IFFO2: variants seen among roughly 807,000 people sequenced by gnomAD.
IFFO2 encodes the protein intermediate filament family orphan 2.
A neutral mutation model predicts 53.5 loss-of-function variants in IFFO2; 19 were observed. The observed-to-expected ratio is 0.36, with a 90% confidence interval of 0.25 to 0.52. IFFO2 has a LOEUF of 0.52. IFFO2 is among the 20% of genes least tolerant of loss of function. The pLI is 0.94. For synonymous variants in IFFO2, 303 were observed against 313.6 expected (o/e 0.97, Z 0.36); for missense variants, 570 against 727.4 (o/e 0.78, Z 2.49).
chr1:18,919,797 C>G lies in IFFO2; in HGVS notation c.727-24G>C, dbSNP rs1257884611. On this transcript the variant is annotated intron_variant, in intron 2 of 8. Transcript: ENST00000455833. The surrounding 1 kb of genome is among the most constrained non-coding windows in gnomAD (Gnocchi z 4.9). The stretch of plus-strand genomic sequence containing the variant: ...GCCTGCGGGGACGGAGATGGGGAGG[C>G]TTCAGAGGGGCCGGGTCCTCTGGGG... 1 of 1,512,656 alleles carries G rather than the reference C, an allele frequency of 6.6e-7. No homozygotes were observed. The highest frequency in any genetic ancestry group is 2.5e-5 in the East Asian group (1 of 40,740). 93.7% of individuals were successfully genotyped at this position (1,512,656 alleles called of 1,614,324 possible). A position where few individuals can be genotyped will look rare whatever the true frequency, so the allele number is the denominator to read the frequency against.
rs1287292813 is a variant in IFFO2 at position 18,918,250 on chromosome 1, G to A, written c.963+112C>T. ...CAGGTAGTGCTACCTCTCGGGGAAG[G>A]GGAGGGAGTGAGTGGGATGTGGAGG... On this transcript the variant is annotated intron_variant, in intron 4 of 8. Coordinates refer to ENST00000455833, the MANE Select transcript of IFFO2 (RefSeq NM_001136265.2). This position sits in a 1 kb window ranked among gnomAD's most constrained non-coding sequence, Gnocchi z 5.2. The A allele has an allele frequency of 9.9e-7, 1 of 1,010,266 alleles. No individual in the cohort carries two copies. The highest frequency in any genetic ancestry group is 1.5e-6 in the Non-Finnish European group (1 of 680,136). The allele number at this position is 1,010,266 out of a possible 1,614,324, so 62.6% of individuals were successfully genotyped here.
At chr1:18,939,609 A>T (rs1936495487) in intron 1 of IFFO2, among the ~76,000 whole-genome samples, 1 of 152,212 alleles carries the variant, frequency 6.6e-6, no homozygotes, top group Admixed American at 6.5e-5. Context: ...TTCTGCATGA[A>T]GATTGTGTCT....
chr1:18,915,571 T>G (rs2100646882), intron 5 of IFFO2, among the ~76,000 whole-genome samples: 1 of 152,238 alleles, frequency 6.6e-6, no homozygotes, highest in Non-Finnish European at 1.5e-5. Flanking sequence ...GGAGGCAGCC[T>G]GGCTCTGAAT....
At position 18,909,470 on chromosome 1, in the gene IFFO2, T is replaced by C. The variant is rs74620760; in HGVS notation, c.1449-804A>G. 9.5e-3 allele frequency among the ~76,000 whole-genome samples: 1,453 copies of C among 152,154 alleles called. 27 individuals carry two copies. The highest frequency in any genetic ancestry group is 0.064 in the East Asian group (329 of 5,164). ...TGGTTTGGCTGTGTTCCCACCCAAA[T>C]TGCATCTGGAATTGTAGCTCCCATA... On this transcript the variant is annotated intron_variant, in intron 8 of 8. Transcript: ENST00000455833.
intron 1 of IFFO2, among the ~76,000 whole-genome samples, chr1:18,939,301 C>T (rs1002362086): frequency 2.0e-5 from 3 of 152,212 alleles, no homozygotes; most frequent in Non-Finnish European, 2.9e-5. Context: ...GGACATCTGT[C>T]TGCGGCAGGG....
intron 1 of IFFO2, among the ~76,000 whole-genome samples, chr1:18,924,259 T>C (rs1475864063): frequency 6.6e-6 from 1 of 152,198 alleles, no homozygotes; most frequent in Non-Finnish European, 1.5e-5. Flanking sequence ...CAGACACCTG[T>C]ATTCCCTGCC....
At position 18,953,433 on chromosome 1, in the gene IFFO2, A is replaced by C. The variant is rs1335140961; in HGVS notation, c.665+2235T>G. On this transcript the variant is annotated intron_variant, in intron 1 of 8. Transcript: ENST00000455833. ...CCAGTGAGTTAATATTAAGAACTTA[A>C]AGGTGGGTGAGCACATTTTTATCAC... 2.0e-5 allele frequency among the ~76,000 whole-genome samples: 3 copies of C among 152,180 alleles called. No individual in the cohort carries two copies. In the East Asian group the frequency reaches 5.8e-4, roughly 29 times the overall value.
intron 1 of IFFO2, among the ~76,000 whole-genome samples, chr1:18,940,229 A>G (rs1455170772): frequency 2.0e-5 from 3 of 152,186 alleles, no homozygotes; most frequent in Non-Finnish European, 2.9e-5. Flanking sequence ...AGAGCTAGGT[A>G]AGGGAGCTGC....
In IFFO2 at chr1:18,918,533, C is replaced by G. The variant is rs746805524; in HGVS notation, c.823-31G>C. The G allele has an allele frequency of 2.6e-6, 4 of 1,549,764 alleles. No homozygotes were observed. Among genetic ancestry groups the G allele is most frequent in the Non-Finnish European group, 3.5e-6 (4 of 1,145,638 alleles). ...GGGAGGACAGCAGGGTTTACATGAG[C>G]GAGGGATGGAGCAAGCCTGGGGGGC... On this transcript the variant is annotated intron_variant, in intron 3 of 8. Coordinates refer to ENST00000455833, the MANE Select transcript of IFFO2 (RefSeq NM_001136265.2). This position sits in a 1 kb window ranked among gnomAD's most constrained non-coding sequence, Gnocchi z 5.2.
intron 1 of IFFO2, among the ~76,000 whole-genome samples, chr1:18,937,915 C>T (rs1936470369): frequency 6.6e-6 from 1 of 152,258 alleles, no homozygotes; most frequent in African/African-American, 2.4e-5. Flanking sequence ...CCGGCACCAG[C>T]ACAGCCTCTC....
chr1:18,955,899 G>A lies in IFFO2; in HGVS notation c.434C>T (p.Pro145Leu). 2.2e-6 allele frequency: 3 copies of A among 1,345,372 alleles called. No individual in the cohort carries two copies. The highest frequency in any genetic ancestry group is 3.1e-5 in the East Asian group (1 of 32,134). 83.3% of individuals were successfully genotyped at this position (1,345,372 alleles called of 1,614,324 possible). The change falls in exon 1 of 9, where the codon CCC (proline) becomes CTC (leucine). Residue 145 changes from proline (P) to leucine (L), a missense_variant. Physicochemically the swap from Pro to Leu is moderately conservative, Grantham distance 98. Coordinates refer to ENST00000455833, the MANE Select transcript of IFFO2 (RefSeq NM_001136265.2). ...GTGCTGCGGGTGCGAGCCGCCGCCGGGGGGCAGGCCGCCCAGGGCCACGGC... is the reference window on the plus strand; with the variant it reads ...GTGCTGCGGGTGCGAGCCGCCGCCGAGGGGCAGGCCGCCCAGGGCCACGGC... The part of the protein sequence containing the change: ...ANAVALGGLP[P>L]GGGSHPQHYG...
chr1:18,931,811 G>A (rs778745660), intron 1 of IFFO2, among the ~76,000 whole-genome samples: 34 of 152,202 alleles, frequency 2.2e-4, no homozygotes, highest in Admixed American at 9.2e-4. Context: ...ATGGTGTCTC[G>A]TCGGCTCCAT....
At chr1:18,943,475 T>C (rs56308836) in intron 1 of IFFO2, among the ~76,000 whole-genome samples, 102 of 152,286 alleles carry the variant, frequency 6.7e-4, no homozygotes, top group Middle Eastern at 3.4e-3. Flanking sequence ...AACATGGTCT[T>C]TATGGGGAAT....
intron 1 of IFFO2, among the ~76,000 whole-genome samples, chr1:18,924,791 C>G (rs1936259135): frequency 6.6e-6 from 1 of 152,226 alleles, no homozygotes; most frequent in South Asian, 2.1e-4. Context: ...GGGGAGGGGT[C>G]CTTTCTGGTC....
intron 1 of IFFO2, among the ~76,000 whole-genome samples, chr1:18,940,837 T>C (rs1215644557): frequency 6.6e-6 from 1 of 152,138 alleles, no homozygotes; most frequent in Non-Finnish European, 1.5e-5. Context: ...ACGCAACACG[T>C]GCTCAAAGCA....
chr1:18,949,400 G>A (rs1249678610), intron 1 of IFFO2, among the ~76,000 whole-genome samples: 1 of 152,234 alleles, frequency 6.6e-6, no homozygotes, highest in Non-Finnish European at 1.5e-5. Flanking sequence ...GGGTGCTTAG[G>A]ACCGCCTGAC....
chr1:18,937,107 G>A lies in IFFO2; in HGVS notation c.666-15986C>T, dbSNP rs1936459465. ...GCGGCTGGCTCAGTGCAACTCCAGA[G>A]ACTAGGAGCTGCCTGCCATGCCGCT... On this transcript the variant is annotated intron_variant, in intron 1 of 8. Coordinates refer to ENST00000455833, the MANE Select transcript of IFFO2 (RefSeq NM_001136265.2). Among the ~76,000 whole-genome samples the A allele has an allele frequency of 1.3e-5, 2 of 152,202 alleles. 1 individual carries two copies. Among genetic ancestry groups the A allele is most frequent in the South Asian group, 4.1e-4 (2 of 4,826 alleles).
chr1:18,924,872 T>C (rs960411658), intron 1 of IFFO2, among the ~76,000 whole-genome samples: 6 of 152,178 alleles, frequency 3.9e-5, no homozygotes, highest in Non-Finnish European at 8.8e-5. Context: ...ATCCCAGTGC[T>C]CTCTGCAGGG....
rs1453481973 is a variant in IFFO2 at position 18,904,630 on chromosome 1, G to A, written c.*3931C>T. The A allele has an allele frequency of 6.6e-6, 1 of 152,142 alleles. No individual in the cohort carries two copies. Among genetic ancestry groups the A allele is most frequent in the East Asian group, 1.9e-4 (1 of 5,180 alleles). The allele number at this position is 152,142 out of a possible 1,614,324, so 9.4% of individuals were successfully genotyped here. A position where few individuals can be genotyped will look rare whatever the true frequency, so the allele number is the denominator to read the frequency against. ...TCAGAACTAACACACAGCCCACCCTGAGCCTGGAAATCATCCATTCATAGA... is the reference window on the plus strand; with the variant it reads ...TCAGAACTAACACACAGCCCACCCTAAGCCTGGAAATCATCCATTCATAGA... On this transcript the variant is annotated 3_prime_UTR_variant, in exon 9 of 9. Transcript: ENST00000455833.
Sources: allele counts gnomAD v4.1 joint callset (sites outside exome capture counted in the v4.1 genomes callset), GRCh38; gene constraint gnomAD v4.1.1; non-coding constraint Gnocchi (gnomAD v3.1); transcripts MANE v1.5; gene names NCBI Gene and HGNC (gene_info 2026-07-23, HGNC 2026-07-21).